The following CDH13 variants were observed in gnomAD, a reference collection of about 807,000 sequenced individuals.
The protein encoded by CDH13 is cadherin-13.
CDH13 carries 24 observed loss-of-function variants against 63.8 expected under a neutral mutation model. That is an observed-to-expected ratio of 0.38 (90% CI 0.27 to 0.53). CDH13 has a LOEUF of 0.53. CDH13 is among the 20% of genes least tolerant of loss of function. The pLI is 0.85. For missense variants in CDH13, 1,049 were observed against 903.1 expected (o/e 1.16, Z -2.07); for synonymous variants, 503 against 355.3 (o/e 1.42, Z -4.67).
At chr16:83,280,212 TG>T (rs1351658252) in intron 5 of CDH13, among the ~76,000 whole-genome samples, 1 of 152,222 alleles carries the variant, frequency 6.6e-6, no homozygotes, top group Non-Finnish European at 1.5e-5. Flanking sequence ...GTTCCAAAAT[TG>T]GAGTCAGTCT....
At chr16:83,433,968 C>G (rs1392018330) in intron 6 of CDH13, among the ~76,000 whole-genome samples, 1 of 152,032 alleles carries the variant, frequency 6.6e-6, no homozygotes, top group Non-Finnish European at 1.5e-5. Flanking sequence ...TTTTCTATTA[C>G]TTATTTTTCT....
At chr16:83,749,686 G>T (rs1226765750) in intron 11 of CDH13, among the ~76,000 whole-genome samples, 1 of 152,142 alleles carries the variant, frequency 6.6e-6, no homozygotes, top group African/African-American at 2.4e-5. Context: ...CTTGTGCTTG[G>T]TCCTGGAGAC....
chr16:83,343,052 G>C (rs1190234419), intron 5 of CDH13, among the ~76,000 whole-genome samples: 1 of 151,810 alleles, frequency 6.6e-6, no homozygotes, highest in African/African-American at 2.4e-5. Flanking sequence ...TTTGTGTGCA[G>C]ATATTACGAG....
intron 1 of CDH13, among the ~76,000 whole-genome samples, chr16:82,645,920 A>C (rs1175193656): frequency 6.6e-6 from 1 of 152,250 alleles, no homozygotes; most frequent in Non-Finnish European, 1.5e-5. Flanking sequence ...GCTGAGTTAG[A>C]TAAAAAGTGG....
chr16:83,366,375 C>G (rs189170325), intron 6 of CDH13, among the ~76,000 whole-genome samples: 58 of 152,270 alleles, frequency 3.8e-4, no homozygotes, highest in South Asian at 2.7e-3. Context: ...CACTCATTAC[C>G]ACGAACCGTC....
chr16:83,024,937 C>T (rs560548860), intron 2 of CDH13, among the ~76,000 whole-genome samples: 25 of 152,162 alleles, frequency 1.6e-4, no homozygotes, highest in Non-Finnish European at 3.5e-4. Context: ...TCATCAGCCC[C>T]ACCCCTTTAA....
intron 1 of CDH13, among the ~76,000 whole-genome samples, chr16:82,778,523 A>G (rs1261537035): frequency 4.3e-5 from 6 of 139,720 alleles, no homozygotes; most frequent in African/African-American, 1.6e-4. Context: ...TTTGCTTAAG[A>G]CCTTGTTGTA....
chr16:83,284,956 A>G lies in CDH13; in HGVS notation c.637-59906A>G, dbSNP rs906005528. On this transcript the variant is annotated intron_variant, in intron 5 of 13. Transcript: ENST00000567109. ...ACAGCTGTTTTCTGACTGAATTTTA[A>G]TTATAAAAGATCTAGCCAGCTTCTA... Among the ~76,000 whole-genome samples the G allele has an allele frequency of 5.3e-5, 8 of 152,292 alleles. 1 individual carries two copies. Among genetic ancestry groups the G allele is most frequent in the South Asian group, 4.1e-4 (2 of 4,830 alleles).
intron 3 of CDH13, among the ~76,000 whole-genome samples, chr16:83,077,464 A>G (rs1486501144): frequency 1.3e-5 from 2 of 151,816 alleles, no homozygotes; most frequent in African/African-American, 4.8e-5. Flanking sequence ...AAGTGCTGGG[A>G]TTACAGGTGT....
intron 5 of CDH13, among the ~76,000 whole-genome samples, chr16:83,333,776 C>A (rs951251996): frequency 2.0e-5 from 3 of 152,146 alleles, no homozygotes; most frequent in African/African-American, 7.2e-5. Context: ...CCATTTTGCC[C>A]AGGACAGCTT....
chr16:83,151,009 T>C (rs2036956783), intron 4 of CDH13, among the ~76,000 whole-genome samples: 1 of 152,170 alleles, frequency 6.6e-6, no homozygotes, highest in African/African-American at 2.4e-5. Context: ...CATCTTTATG[T>C]GAAACATGGT....
intron 1 of CDH13, among the ~76,000 whole-genome samples, chr16:82,828,592 AGCCT>A (rs1202344907): frequency 2.0e-5 from 3 of 152,140 alleles, no homozygotes; most frequent in African/African-American, 7.2e-5. Flanking sequence ...ACTGCACTCC[AGCCT>A]GGGCAACAGA....
intron 5 of CDH13, among the ~76,000 whole-genome samples, chr16:83,277,089 C>G (rs2089014437): frequency 1.3e-5 from 2 of 152,156 alleles, no homozygotes. Flanking sequence ...GGCAACACAG[C>G]CAAATCATAT....
chr16:83,045,776 G>C (rs912519366), intron 3 of CDH13, among the ~76,000 whole-genome samples: 3 of 152,068 alleles, frequency 2.0e-5, no homozygotes, highest in Non-Finnish European at 2.9e-5. Context: ...CCAAAACTTA[G>C]GCAGTAAAGA....
intron 6 of CDH13, among the ~76,000 whole-genome samples, chr16:83,412,481 GAATA>G (rs1405632581): frequency 1.3e-5 from 2 of 152,060 alleles, no homozygotes; most frequent in Admixed American, 6.5e-5. Flanking sequence ...AAATAAAAAT[GAATA>G]AATAAATAAA....
chr16:82,708,747 G>A lies in CDH13; in HGVS notation c.45+81610G>A, dbSNP rs76834023. 9.4e-3 allele frequency among the ~76,000 whole-genome samples: 1,424 copies of A among 152,254 alleles called. 25 individuals are homozygous for A. The highest frequency in any genetic ancestry group is 0.033 in the African/African-American group (1,364 of 41,542). ...GTCTGCGCTTATCCAATCAGATGAC[G>A]CTGGGCAAATGGAGAAGCTGTCAGT... On this transcript the variant is annotated intron_variant, in intron 1 of 13. Transcript: ENST00000567109.
At chr16:83,304,297 A>T (rs924568904) in intron 5 of CDH13, among the ~76,000 whole-genome samples, 1 of 152,160 alleles carries the variant, frequency 6.6e-6, no homozygotes, top group African/African-American at 2.4e-5. Flanking sequence ...CCATCCACTA[A>T]ATGGAAAGGG....
At chr16:83,412,485 A>G (rs550438848) in intron 6 of CDH13, among the ~76,000 whole-genome samples, 1 of 152,308 alleles carries the variant, frequency 6.6e-6, no homozygotes, top group South Asian at 2.1e-4. Flanking sequence ...AAAAATGAAT[A>G]AATAAATAAA....
At chr16:83,195,034 T>C (rs2038837888) in intron 4 of CDH13, among the ~76,000 whole-genome samples, 2 of 152,378 alleles carry the variant, frequency 1.3e-5, no homozygotes, top group Admixed American at 6.5e-5. Flanking sequence ...ACATTCTTTC[T>C]CTTTGTTTGA....
Sources: allele counts gnomAD v4.1 joint callset (sites outside exome capture counted in the v4.1 genomes callset), GRCh38; gene constraint gnomAD v4.1.1; transcripts MANE v1.5; gene names NCBI Gene and HGNC (gene_info 2026-07-23, HGNC 2026-07-21).